FRMD5: variants seen among roughly 807,000 people sequenced by gnomAD.
FRMD5 encodes the protein FERM domain containing 5.
A neutral mutation model predicts 69.0 loss-of-function variants in FRMD5; 20 were observed. The ratio of observed to expected loss-of-function variants is 0.29; its 90% CI spans 0.20 to 0.42. The LOEUF is 0.42. Among genes scored for constraint, FRMD5 ranks in the 10% least tolerant of loss-of-function variants. The probability of loss-of-function intolerance (pLI) is 1.00; values close to 1 mark genes in which losing one functional copy is unlikely to be tolerated. For missense variants in FRMD5, 595 were observed against 708.6 expected (o/e 0.84, Z 1.82); for synonymous variants, 271 against 260.1 (o/e 1.04, Z -0.40).
At chr15:44,007,890 C>T (rs1018013185) in intron 1 of FRMD5, among the ~76,000 whole-genome samples, 7 of 151,768 alleles carry the variant, frequency 4.6e-5, no homozygotes, top group East Asian at 1.9e-4. Context: ...GTGATCCACC[C>T]GCCTTGGCCT....
intron 1 of FRMD5, among the ~76,000 whole-genome samples, chr15:43,973,728 T>G (rs1008505620): frequency 6.6e-6 from 1 of 152,080 alleles, no homozygotes; most frequent in African/African-American, 2.4e-5. Flanking sequence ...TACTGCAGCA[T>G]TATAATACAG....
intron 1 of FRMD5, among the ~76,000 whole-genome samples, chr15:44,011,826 G>C (rs1321496362): frequency 1.3e-5 from 2 of 152,180 alleles, no homozygotes; most frequent in East Asian, 3.9e-4. Context: ...AGAGGGTGTA[G>C]GAGGTCACAA....
At chr15:43,891,548 C>T (rs544358926) in intron 8 of FRMD5, among the ~76,000 whole-genome samples, 7 of 152,310 alleles carry the variant, frequency 4.6e-5, no homozygotes, top group Non-Finnish European at 8.8e-5. Flanking sequence ...CCAGAGGTCA[C>T]TGTCTGTGAG....
chr15:44,165,225 C>A (rs1420613691), intron 1 of FRMD5, among the ~76,000 whole-genome samples: 1 of 152,146 alleles, frequency 6.6e-6, no homozygotes, highest in Non-Finnish European at 1.5e-5. Flanking sequence ...TCGAGACCAG[C>A]CTGGCCAACA....
At chr15:44,141,588 C>A (rs2077274542) in intron 1 of FRMD5, among the ~76,000 whole-genome samples, 1 of 152,188 alleles carries the variant, frequency 6.6e-6, no homozygotes. Flanking sequence ...AGCAAAACTG[C>A]AGGACATTCC....
intron 1 of FRMD5, among the ~76,000 whole-genome samples, chr15:43,960,250 G>A (rs1280218504): frequency 5.3e-5 from 8 of 151,862 alleles, no homozygotes; most frequent in Non-Finnish European, 8.8e-5. Flanking sequence ...CACCACACCC[G>A]GCTAATTTAT....
chr15:43,913,753 A>ATG (rs2089331974), intron 4 of FRMD5, among the ~76,000 whole-genome samples: 1 of 152,230 alleles, frequency 6.6e-6, no homozygotes, highest in South Asian at 2.1e-4. Context: ...ATAGAAGTCC[A>ATG]GAGATGGAGA....
intron 1 of FRMD5, among the ~76,000 whole-genome samples, chr15:44,028,067 C>T (rs1891516279): frequency 6.6e-6 from 1 of 152,148 alleles, no homozygotes; most frequent in African/African-American, 2.4e-5. Flanking sequence ...GTACTCCTCT[C>T]ATAGGAGGTG....
At chr15:44,134,703 G>A (rs2077156577) in intron 1 of FRMD5, among the ~76,000 whole-genome samples, 1 of 152,176 alleles carries the variant, frequency 6.6e-6, no homozygotes, top group South Asian at 2.1e-4. Flanking sequence ...ACCCTCCTCG[G>A]CCTCTCAAAG....
chr15:43,946,743 C>T (rs1187695829), intron 1 of FRMD5, among the ~76,000 whole-genome samples: 1 of 152,096 alleles, frequency 6.6e-6, no homozygotes, highest in South Asian at 2.1e-4. Flanking sequence ...AAGGGGGTCT[C>T]CACTTTCACT....
intron 1 of FRMD5, among the ~76,000 whole-genome samples, chr15:44,188,641 C>G (rs1379324753): frequency 2.6e-5 from 4 of 152,178 alleles, no homozygotes; most frequent in Admixed American, 6.5e-5. Context: ...ACTTTGAGAA[C>G]CACTGCTTTA....
At chr15:43,875,835 TCTTTCATATGA>T in intron 13 of FRMD5, 2 of 310,100 alleles carry the variant, frequency 6.4e-6, no homozygotes, top group Non-Finnish European at 1.3e-5. Flanking sequence ...TTTCTTTCAG[TCTTTCATATGA>T]TTTTATTTTC....
chr15:44,087,781 TCA>T (rs375748741), intron 1 of FRMD5, among the ~76,000 whole-genome samples: 6,191 of 146,934 alleles, frequency 0.042, 165 homozygotes, highest in Middle Eastern at 0.083. Context: ...ATCATCATCA[TCA>T]TCATCCCAGG....
intron 1 of FRMD5, among the ~76,000 whole-genome samples, chr15:44,175,861 A>AT (rs2077885532): frequency 6.6e-6 from 1 of 152,142 alleles, no homozygotes; most frequent in Non-Finnish European, 1.5e-5. Flanking sequence ...ACCACAAAGC[A>AT]TTTTTTTAAA....
chr15:44,134,121 C>T (rs1342934250), intron 1 of FRMD5, among the ~76,000 whole-genome samples: 1 of 151,678 alleles, frequency 6.6e-6, no homozygotes, highest in Non-Finnish European at 1.5e-5. Flanking sequence ...CTGGCAAATA[C>T]TTTGTTTTTT....
intron 1 of FRMD5, among the ~76,000 whole-genome samples, chr15:44,150,245 C>G (rs546666457): frequency 3.3e-5 from 5 of 152,104 alleles, no homozygotes; most frequent in Non-Finnish European, 7.4e-5. Flanking sequence ...AGATCAGGAA[C>G]AAGGCAAGGA....
rs148230607 is a variant in FRMD5, at chr15:44,118,901, G to C, written c.102+76052C>G. 1.5e-4 allele frequency among the ~76,000 whole-genome samples: 23 copies of C among 152,012 alleles called. No homozygotes were observed. The East Asian group carries it at 4.5e-3, about 29-fold the overall frequency. On this transcript the variant is annotated intron_variant, in intron 1 of 13. Transcript: ENST00000417257. ...AATGATCCACCCACCTCAGCCTCCT[G>C]AGTAACTGGGACTACAGGTTCATCC...
At chr15:44,187,199 C>G (rs2078116242) in intron 1 of FRMD5, among the ~76,000 whole-genome samples, 1 of 152,204 alleles carries the variant, frequency 6.6e-6, no homozygotes, top group African/African-American at 2.4e-5. Context: ...TATGTAGTTA[C>G]TGCAGCCACA....
intron 1 of FRMD5, among the ~76,000 whole-genome samples, chr15:44,045,651 C>T (rs1352982944): frequency 2.6e-5 from 4 of 151,998 alleles, no homozygotes; most frequent in African/African-American, 9.7e-5. Flanking sequence ...ATAGACAGTA[C>T]ACTAATATAG....
Sources: allele counts gnomAD v4.1 joint callset (sites outside exome capture counted in the v4.1 genomes callset), GRCh38; gene constraint gnomAD v4.1.1; transcripts MANE v1.5; gene names NCBI Gene and HGNC (gene_info 2026-07-23, HGNC 2026-07-21).